Variants in GBE1 observed in about 807,000 individuals in gnomAD.
The protein encoded by GBE1 is 1,4-alpha-glucan-branching enzyme.
In GBE1, 70 loss-of-function variants were observed where a neutral mutation model predicts 88.8. That is an observed-to-expected ratio of 0.79 (90% CI 0.65 to 0.96). The LOEUF (loss-of-function observed/expected upper bound fraction) is 0.96, where lower values mean the gene tolerates loss of function less well. Among genes scored for constraint, GBE1 ranks in the 40% least tolerant of loss-of-function variants. GBE1 has a pLI of 0.00. For synonymous variants in GBE1, 284 were observed against 300.1 expected, an observed-to-expected ratio of 0.95 and a Z score of 0.56; for missense variants, 872 against 871.0, an observed-to-expected ratio of 1.00 and a Z score of -0.01.
At chr3:81,731,150 C>T (rs946581052) in intron 1 of GBE1, among the ~76,000 whole-genome samples, 11 of 152,104 alleles carry the variant, frequency 7.2e-5, no homozygotes, top group African/African-American at 2.4e-4. Context: ...GGGAACCCAA[C>T]CTCTATGGAC....
At chr3:81,749,200 G>A (rs1407010414) in intron 1 of GBE1, among the ~76,000 whole-genome samples, 3 of 151,866 alleles carry the variant, frequency 2.0e-5, no homozygotes. Context: ...CAATCCAAAT[G>A]TCCTTCAACA....
Position 81,750,536 on chromosome 3 carries a change from T to C in GBE1, c.143+10839A>G, listed in dbSNP as rs527745142. On this transcript the variant is annotated intron_variant, in intron 1 of 15. Coordinates refer to ENST00000429644, the MANE Select transcript of GBE1 (RefSeq NM_000158.4). ...ATCTCAAAACATTCATATATATATATACGTATATATATATGTATATATATA... is the reference window on the plus strand; with the variant it reads ...ATCTCAAAACATTCATATATATATACACGTATATATATATGTATATATATA... 1.0e-4 allele frequency among the ~76,000 whole-genome samples: 8 copies of C among 76,752 alleles called. 1 individual carries two copies. The East Asian group carries it at 3.9e-3, about 37-fold the overall frequency. The allele number at this position is 76,752 out of a possible 152,430, so 50.4% of individuals were successfully genotyped here.
intron 12 of GBE1, among the ~76,000 whole-genome samples, chr3:81,564,771 G>A (rs896798541): frequency 1.3e-5 from 2 of 152,026 alleles, no homozygotes; most frequent in African/African-American, 4.8e-5. Context: ...ACATTCTCTC[G>A]CCTGGCTTCC....
chr3:81,566,003 T>G (rs1341414707), intron 12 of GBE1, among the ~76,000 whole-genome samples: 1 of 152,218 alleles, frequency 6.6e-6, no homozygotes, highest in African/African-American at 2.4e-5. Flanking sequence ...AGCTTCTCAA[T>G]AATACCCAGC....
chr3:81,623,730 T>C (rs1304984966), intron 7 of GBE1, among the ~76,000 whole-genome samples: 1 of 152,202 alleles, frequency 6.6e-6, no homozygotes, highest in African/African-American at 2.4e-5. Flanking sequence ...TGAAACCTCC[T>C]GGCCTCACTG....
chr3:81,512,086 C>T (rs1020025991), intron 14 of GBE1, among the ~76,000 whole-genome samples: 1 of 151,846 alleles, frequency 6.6e-6, no homozygotes, highest in Non-Finnish European at 1.5e-5. Flanking sequence ...AGTGAATTAA[C>T]ACAGGAACAG....
At chr3:81,566,318 T>A (rs543911640) in intron 12 of GBE1, among the ~76,000 whole-genome samples, 1 of 152,352 alleles carries the variant, frequency 6.6e-6, no homozygotes, top group South Asian at 2.1e-4. Context: ...TTCTAGGTAT[T>A]TGTCATAGAC....
intron 12 of GBE1, among the ~76,000 whole-genome samples, chr3:81,548,460 G>C (rs1292237350): frequency 6.6e-6 from 1 of 151,360 alleles, no homozygotes; most frequent in Non-Finnish European, 1.5e-5. Context: ...GTTTAAATAT[G>C]TTGTTGGTAT....
At position 81,627,882 on chromosome 3, in the gene GBE1, C is replaced by A. The variant is rs537451199; in HGVS notation, c.992+14899G>T. Among the ~76,000 whole-genome samples the A allele has an allele frequency of 3.0e-4, 46 of 151,950 alleles. No individual in the cohort carries two copies. The South Asian group carries it at 5.0e-3, about 17-fold the overall frequency. On this transcript the variant is annotated intron_variant, in intron 7 of 15. Transcript: ENST00000429644. Reference sequence around the variant, plus strand: ...CCTCACTGTAACTTCAAACTCTTGGCCTCAAGCGATCCTCCCACCTAAGCC... The same window carrying A: ...CCTCACTGTAACTTCAAACTCTTGGACTCAAGCGATCCTCCCACCTAAGCC...
At chr3:81,755,133 A>T (rs1054269145) in intron 1 of GBE1, among the ~76,000 whole-genome samples, 33 of 152,176 alleles carry the variant, frequency 2.2e-4, no homozygotes, top group African/African-American at 7.5e-4. Context: ...TAGCAAAAAA[A>T]TCTGACTTTA....
chr3:81,609,132 A>G (rs551354836), intron 7 of GBE1, among the ~76,000 whole-genome samples: 143 of 152,300 alleles, frequency 9.4e-4, no homozygotes, highest in African/African-American at 3.2e-3. Flanking sequence ...TGGCATAAGG[A>G]GGGCAGCTCT....
intron 3 of GBE1, among the ~76,000 whole-genome samples, chr3:81,668,416 T>C (rs779468237): frequency 1.9e-4 from 29 of 152,208 alleles, no homozygotes; most frequent in Non-Finnish European, 4.3e-4. Flanking sequence ...ACACTGGTAC[T>C]GTTCAGGCAA....
intron 7 of GBE1, among the ~76,000 whole-genome samples, chr3:81,621,871 T>C (rs1704337902): frequency 1.3e-5 from 2 of 152,144 alleles, no homozygotes; most frequent in Admixed American, 1.3e-4. Flanking sequence ...TTTATTTAAA[T>C]GAGAAAATGG....
intron 7 of GBE1, among the ~76,000 whole-genome samples, chr3:81,599,741 A>ATTAAAAAATTTT (rs1283062757): frequency 1.3e-5 from 2 of 152,292 alleles, no homozygotes; most frequent in Admixed American, 6.5e-5. Flanking sequence ...TGTTTTTCAA[A>ATTAAAAAATTTT]CAAGTTTAAA....
intron 7 of GBE1, among the ~76,000 whole-genome samples, chr3:81,614,534 G>A (rs531583200): frequency 1.2e-4 from 19 of 152,194 alleles, no homozygotes; most frequent in African/African-American, 4.1e-4. Flanking sequence ...AGTATTGCTT[G>A]AGCCCAGGAA....
At chr3:81,522,754 T>C (rs893815395) in intron 14 of GBE1, among the ~76,000 whole-genome samples, 2 of 151,486 alleles carry the variant, frequency 1.3e-5, no homozygotes, top group African/African-American at 4.8e-5. Context: ...AAAGTCCAAG[T>C]GGGCACAAAT....
At chr3:81,666,145 A>C (rs1207086028) in intron 3 of GBE1, among the ~76,000 whole-genome samples, 1 of 152,142 alleles carries the variant, frequency 6.6e-6, no homozygotes, top group Non-Finnish European at 1.5e-5. Context: ...ACTGAAGACT[A>C]ATAGGCACAG....
rs1316922528 is a variant in GBE1 at position 81,754,498 on chromosome 3, G to A, written c.143+6877C>T. Among the ~76,000 whole-genome samples the A allele has an allele frequency of 2.9e-5, 4 of 136,782 alleles. No homozygotes were observed. In the East Asian group the frequency reaches 6.3e-4, roughly 21 times the overall value. The allele number at this position is 136,782 out of a possible 152,430, so 89.7% of individuals were successfully genotyped here. On this transcript the variant is annotated intron_variant, in intron 1 of 15. Coordinates refer to ENST00000429644, the MANE Select transcript of GBE1 (RefSeq NM_000158.4). ...ATGAAACCACAAAAGACCCCAAATA[G>A]CCAAATAAATCTTAGCAAAAAAAAA...
At position 81,628,590 on chromosome 3, in the gene GBE1, T is replaced by C. The variant is rs372042998; in HGVS notation, c.992+14191A>G. Among the ~76,000 whole-genome samples, 94 of 152,030 alleles carry C rather than the reference T, an allele frequency of 6.2e-4. 1 individual carries two copies. In the Middle Eastern group the frequency reaches 0.031, roughly 50 times the overall value. On this transcript the variant is annotated intron_variant, in intron 7 of 15. Coordinates refer to ENST00000429644, the MANE Select transcript of GBE1 (RefSeq NM_000158.4). ...ATTGTTTTCTCTATGTAAATGATCA[T>C]GTCATATTTACAAAATTTAATTAAT...
Sources: gnomAD v4.1 joint callset for allele counts (sites outside exome capture counted in the v4.1 genomes callset) on GRCh38, gnomAD v4.1.1 for gene constraint, MANE v1.5 for transcripts, NCBI Gene and HGNC (gene_info 2026-07-23, HGNC 2026-07-21) for gene names.